QTMAN: variants seen among roughly 807,000 people sequenced by gnomAD.
The protein encoded by QTMAN is queuosine-tRNA mannosyltransferase.
chr2:144,020,176 T>C, the QTMAN span, among the ~76,000 whole-genome samples: 1 of 148,276 alleles, frequency 6.7e-6, no homozygotes, highest in South Asian at 2.3e-4. Flanking sequence ...AGGGAAGTGC[T>C]GGGTAGGGGA....
chr2:144,130,591 AAAT>A, the QTMAN span, among the ~76,000 whole-genome samples: 1 of 151,950 alleles, frequency 6.6e-6, no homozygotes, highest in Admixed American at 6.6e-5. Context: ...CACAAATTAA[AAAT>A]AATAACAACA....
At chr2:143,978,980 G>T in the QTMAN span, among the ~76,000 whole-genome samples, 1 of 152,172 alleles carries the variant, frequency 6.6e-6, no homozygotes, top group Non-Finnish European at 1.5e-5. Context: ...CAGTTTAAGA[G>T]ACTCTTTGAT....
the QTMAN span, among the ~76,000 whole-genome samples, chr2:144,039,947 A>G: frequency 6.6e-6 from 1 of 152,232 alleles, no homozygotes; most frequent in South Asian, 2.1e-4. Flanking sequence ...GTGAAAAGCT[A>G]CAGCCAGCTT....
chr2:144,026,096 A>G, the QTMAN span, among the ~76,000 whole-genome samples: 1 of 152,196 alleles, frequency 6.6e-6, no homozygotes, highest in African/African-American at 2.4e-5. Flanking sequence ...GGGTTAGAAG[A>G]GGCCTTTTCA....
the QTMAN span, among the ~76,000 whole-genome samples, chr2:144,292,779 T>C: frequency 1.3e-5 from 2 of 152,226 alleles, no homozygotes; most frequent in African/African-American, 4.8e-5. Context: ...AAAGAAGAAA[T>C]AAGACTTTTA....
At chr2:144,147,333 A>C in the QTMAN span, among the ~76,000 whole-genome samples, 4 of 151,896 alleles carry the variant, frequency 2.6e-5, no homozygotes, top group African/African-American at 9.6e-5. Flanking sequence ...CAAATAAAAA[A>C]AAAATTATGA....
At chr2:144,048,882 CT>C in the QTMAN span, among the ~76,000 whole-genome samples, 1 of 152,054 alleles carries the variant, frequency 6.6e-6, no homozygotes. Context: ...ATAGGAACAT[CT>C]ATGGTATAGC....
chr2:144,074,935 C>T, the QTMAN span, among the ~76,000 whole-genome samples: 1 of 152,176 alleles, frequency 6.6e-6, no homozygotes, highest in African/African-American at 2.4e-5. Context: ...CCTTAGTTTC[C>T]TCCTTGAAGT....
the QTMAN span, among the ~76,000 whole-genome samples, chr2:144,258,283 T>A: frequency 6.1e-5 from 9 of 147,046 alleles, no homozygotes; most frequent in Non-Finnish European, 1.2e-4. Flanking sequence ...AGGAAAGATA[T>A]AATAAAAGAA....
chr2:144,038,021 T>G, the QTMAN span, among the ~76,000 whole-genome samples: 1 of 152,240 alleles, frequency 6.6e-6, no homozygotes, highest in African/African-American at 2.4e-5. Flanking sequence ...TATCAATCTC[T>G]CTGAGCCTCT....
the QTMAN span, among the ~76,000 whole-genome samples, chr2:144,133,576 A>T: frequency 8.0e-6 from 1 of 125,514 alleles, no homozygotes; most frequent in Non-Finnish European, 1.6e-5. Context: ...TAATAAAAAT[A>T]AATATAAATA....
chr2:144,075,222 A>G, the QTMAN span, among the ~76,000 whole-genome samples: 1 of 152,218 alleles, frequency 6.6e-6, no homozygotes, highest in Non-Finnish European at 1.5e-5. Context: ...AAGTCAGAAC[A>G]TGTGTACATA....
chr2:144,073,446 T>C, the QTMAN span, among the ~76,000 whole-genome samples: 1 of 152,082 alleles, frequency 6.6e-6, no homozygotes, highest in African/African-American at 2.4e-5. Context: ...AGGGAGTCAT[T>C]CTAAATATTC....
chr2:144,296,188 C>T, the QTMAN span, among the ~76,000 whole-genome samples: 3 of 152,038 alleles, frequency 2.0e-5, no homozygotes, highest in Non-Finnish European at 2.9e-5. Flanking sequence ...AAGGAAGATA[C>T]GAAAATGCCC....
the QTMAN span, among the ~76,000 whole-genome samples, chr2:144,052,761 C>A: frequency 2.0e-5 from 3 of 152,192 alleles, no homozygotes; most frequent in Non-Finnish European, 4.4e-5. Context: ...AAGCGATTCT[C>A]CTGTCTCAAT....
the QTMAN span, among the ~76,000 whole-genome samples, chr2:143,994,439 A>G: frequency 6.6e-5 from 10 of 152,186 alleles, no homozygotes; most frequent in African/African-American, 2.4e-4. Flanking sequence ...CTTATATGCA[A>G]ATGTACCAAG....
chr2:144,175,838 C>A, the QTMAN span, among the ~76,000 whole-genome samples: 2 of 151,944 alleles, frequency 1.3e-5, no homozygotes, highest in African/African-American at 4.8e-5. Flanking sequence ...CTAGTTTTTG[C>A]ATTTTTAGCA....
chr2:143,999,562 T>C, the QTMAN span, among the ~76,000 whole-genome samples: 26 of 152,090 alleles, frequency 1.7e-4, no homozygotes, highest in Middle Eastern at 3.4e-3. Context: ...TAAAAATATA[T>C]AGCAAAGAAA....
chr2:144,282,109 C>A, the QTMAN span, among the ~76,000 whole-genome samples: 1 of 152,164 alleles, frequency 6.6e-6, no homozygotes, highest in African/African-American at 2.4e-5. Context: ...AAGGACCCTG[C>A]ACCTGGTTTA....
Sources: allele counts gnomAD v4.1 joint callset (sites outside exome capture counted in the v4.1 genomes callset), GRCh38; gene constraint gnomAD v4.1.1; transcripts MANE v1.5; gene names NCBI Gene and HGNC (gene_info 2026-07-23, HGNC 2026-07-21).